SYNJ1: variants seen among roughly 807,000 people sequenced by gnomAD.
SYNJ1 encodes synaptojanin 1, also known as polyphosphatidylinositol phosphatase SYNJ1.
A neutral mutation model predicts 168.2 loss-of-function variants in SYNJ1; 78 were observed. The ratio of observed to expected loss-of-function variants is 0.46; its 90% CI spans 0.39 to 0.56. The LOEUF is 0.56. Among genes scored for constraint, SYNJ1 ranks in the 20% least tolerant of loss-of-function variants. The pLI, the probability that SYNJ1 is intolerant of heterozygous loss-of-function variation, is 0.00. For synonymous variants in SYNJ1, 539 were observed against 548.6 expected, an observed-to-expected ratio of 0.98 and a Z score of 0.24; for missense variants, 1,303 against 1,597.6, an observed-to-expected ratio of 0.82 and a Z score of 3.14.
chr21:32,694,729 G>A (rs1274807850), intron 5 of SYNJ1, among the ~76,000 whole-genome samples: 1 of 152,080 alleles, frequency 6.6e-6, no homozygotes, highest in African/African-American at 2.4e-5. Flanking sequence ...TTGCCATTAA[G>A]AGCTGGGTTT....
chr21:32,635,362 G>A (rs568059226), intron 31 of SYNJ1, among the ~76,000 whole-genome samples: 15 of 152,252 alleles, frequency 9.9e-5, no homozygotes, highest in Admixed American at 3.3e-4. Context: ...ACCAGAGAGC[G>A]TGTGCAAGGG....
chr21:32,714,539 T>G (rs747550344), intron 2 of SYNJ1, among the ~76,000 whole-genome samples: 8 of 152,128 alleles, frequency 5.3e-5, no homozygotes, highest in Non-Finnish European at 1.2e-4. Flanking sequence ...TTGACTAGAC[T>G]TGGTAATAGA....
intron 13 of SYNJ1, among the ~76,000 whole-genome samples, chr21:32,675,952 G>A (rs917542219): frequency 9.9e-5 from 15 of 152,092 alleles, no homozygotes; most frequent in Non-Finnish European, 7.4e-5. Flanking sequence ...ATCACGGATG[G>A]CACTCAGAAA....
chr21:32,700,002 T>G lies in SYNJ1; in HGVS notation c.315A>C (p.Ser105=). 6.2e-7 allele frequency: 1 copy of G among 1,614,186 alleles called. No homozygotes were observed. Among genetic ancestry groups the G allele is most frequent in the Non-Finnish European group, 8.5e-7 (1 of 1,180,036 alleles). ...VFRVTSTEFI[S]LRIDSSDEDR... Reference sequence around the variant, plus strand: ...CCTCATCTGAAGAATCGATTCGCAGTGATATAAACTCAGTGGAAGTAACTC... The same window carrying G: ...CCTCATCTGAAGAATCGATTCGCAGGGATATAAACTCAGTGGAAGTAACTC... Residue 105 remains serine, a synonymous_variant, in exon 4 of 33, where the codon TCA becomes TCC. Coordinates refer to ENST00000674351, the MANE Select transcript of SYNJ1 (RefSeq NM_203446.3).
At chr21:32,677,635 G>A (rs1476018759) in intron 12 of SYNJ1, among the ~76,000 whole-genome samples, 1 of 152,152 alleles carries the variant, frequency 6.6e-6, no homozygotes, top group African/African-American at 2.4e-5. Context: ...CAGGAAGAAA[G>A]CCTGAAGTTG....
At chr21:32,690,559 G>C (rs949932309) in intron 6 of SYNJ1, among the ~76,000 whole-genome samples, 4 of 152,120 alleles carry the variant, frequency 2.6e-5, no homozygotes, top group Non-Finnish European at 5.9e-5. Context: ...ACTCCAGAAA[G>C]TGTTAAGGCT....
chr21:32,693,194 G>A (rs961339364), intron 6 of SYNJ1, among the ~76,000 whole-genome samples: 2 of 152,122 alleles, frequency 1.3e-5, no homozygotes, highest in African/African-American at 4.8e-5. Context: ...CAGGGTTTCA[G>A]CAATGTTCTT....
At chr21:32,727,362 T>C (rs2043508326) in intron 1 of SYNJ1, among the ~76,000 whole-genome samples, 2 of 152,164 alleles carry the variant, frequency 1.3e-5, no homozygotes, top group South Asian at 4.2e-4. Flanking sequence ...ACAAGGCTGG[T>C]TCAAAGCTCC....
Position 32,645,795 on chromosome 21 carries a change from A to G in SYNJ1, c.3248-6T>C, listed in dbSNP as rs567223330. ...CTGCGCGTCAATAGGAGAACCTAAA[A>G]AGCGCACAGGAGGTAAGAAGATCAG... On this transcript the variant is annotated splice_polypyrimidine_tract_variant and splice_region_variant and intron_variant, in intron 24 of 32. Transcript: ENST00000674351. 47 of 1,483,884 alleles carry G rather than the reference A, an allele frequency of 3.2e-5. No individual in the cohort carries two copies. The highest frequency in any genetic ancestry group is 1.8e-4 in the Middle Eastern group (1 of 5,658). 91.9% of individuals were successfully genotyped at this position (1,483,884 alleles called of 1,614,324 possible).
rs1266376628 is a variant in SYNJ1 at position 32,719,753 on chromosome 21, T to C, written c.124+7019A>G. Among the ~76,000 whole-genome samples, 5 of 150,640 alleles carry C rather than the reference T, an allele frequency of 3.3e-5. No homozygotes were observed. The South Asian group carries it at 6.3e-4, about 19-fold the overall frequency. On this transcript the variant is annotated intron_variant, in intron 2 of 32. Coordinates refer to ENST00000674351, the MANE Select transcript of SYNJ1 (RefSeq NM_203446.3). ...AGAAAGAAAAAGAAAAGCTATTTAG[T>C]GCTCAGTGCTCAACAAGCACACACA...
In SYNJ1 at chr21:32,631,138, T is replaced by G; in HGVS notation, c.*667A>C. ...GACGGCAACACACAGAAGGAGACAT[T>G]TGTACCTTTATTCCAGTCATCATTC... On this transcript the variant is annotated 3_prime_UTR_variant, in exon 33 of 33. Coordinates refer to ENST00000674351, the MANE Select transcript of SYNJ1 (RefSeq NM_203446.3). 1.2e-6 allele frequency: 2 copies of G among 1,614,178 alleles called. No individual in the cohort carries two copies. The highest frequency in any genetic ancestry group is 2.2e-5 in the South Asian group (2 of 91,080).
rs141785091 is a variant in SYNJ1, at chr21:32,639,059, G to C, written c.3764C>G (p.Pro1255Arg). 3 of 1,614,074 alleles carry C rather than the reference G, an allele frequency of 1.9e-6. No individual in the cohort carries two copies. The highest frequency in any genetic ancestry group is 1.1e-5 in the South Asian group (1 of 91,062). ...AAFPPQSSLP[P>R]PAQRLQEPLV... ...AGGCTCTTGCAACCTTTGAGCAGGC[G>C]GGGGCAAAGAAGACTGCGGAGGAAA... Residue 1255 changes from proline to arginine, a missense_variant, in exon 31 of 33, where the codon CCG (proline) becomes CGG (arginine). Coordinates refer to ENST00000674351, the MANE Select transcript of SYNJ1 (RefSeq NM_203446.3).
At chr21:32,683,914 G>T in intron 10 of SYNJ1, 124 bp downstream of exon 10, 2 of 770,960 alleles carry the variant, frequency 2.6e-6, no homozygotes, top group Non-Finnish European at 2.1e-6. Context: ...ACAGAGATTA[G>T]AAGTACAAAA....
Position 32,681,850 on chromosome 21 carries a change from C to A in SYNJ1, c.1201-202G>T, listed in dbSNP as rs2041637459. 2.6e-5 allele frequency among the ~76,000 whole-genome samples: 4 copies of A among 151,982 alleles called. No homozygotes were observed. In the South Asian group the frequency reaches 8.3e-4, roughly 31 times the overall value. ...ACAAATACTGTATCAATGGAAACTA[C>A]AAGTATTGATAAGGACTTCTTTCTG... On this transcript the variant is annotated intron_variant, in intron 10 of 32. Transcript: ENST00000674351.
chr21:32,726,907 C>G lies in SYNJ1; in HGVS notation c.-12G>C. 1 of 1,614,010 alleles carries G rather than the reference C, an allele frequency of 6.2e-7. No homozygotes were observed. Among genetic ancestry groups the G allele is most frequent in the South Asian group, 1.1e-5 (1 of 91,072 alleles). ...TTACTGAACGCCATTCTCCTTTCTT[C>G]GGAGGCAGCCCTGCGAAAACCAAGC... On this transcript the variant is annotated 5_prime_UTR_variant, in exon 2 of 33. Transcript: ENST00000674351.
rs539348960 is a variant in SYNJ1, at chr21:32,686,345, A to T, written c.949-428T>A. Among the ~76,000 whole-genome samples, 11 of 152,298 alleles carry T rather than the reference A, an allele frequency of 7.2e-5. No individual in the cohort carries two copies. In the South Asian group the frequency reaches 2.3e-3, roughly 32 times the overall value. The stretch of plus-strand genomic sequence containing the variant: ...ACCAGATTAAAAAAATAGCTATAAA[A>T]TCAGGATGCTTTTGGACTTAGGAGA... On this transcript the variant is annotated intron_variant, in intron 8 of 32. Transcript: ENST00000674351.
intron 4 of SYNJ1, among the ~76,000 whole-genome samples, chr21:32,697,027 A>G (rs979106203): frequency 6.6e-6 from 1 of 152,250 alleles, no homozygotes; most frequent in African/African-American, 2.4e-5. Context: ...CAGCAAAGTT[A>G]TAAGAAACTT....
At position 32,653,470 on chromosome 21, in the gene SYNJ1, G is replaced by A; in HGVS notation, c.2796-104C>T. On this transcript the variant is annotated intron_variant, in intron 21 of 32. Transcript: ENST00000674351. ...CATTAACAAGGGCCACAAGAGGCCA[G>A]GAAGTAAAAAGTAAAGGAGGGAGCG... 3.2e-6 allele frequency: 3 copies of A among 934,420 alleles called. No homozygotes were observed. In the South Asian group the frequency reaches 4.7e-5, roughly 15 times the overall value. 57.9% of individuals were successfully genotyped at this position (934,420 alleles called of 1,614,324 possible).
chr21:32,722,189 GAAAAAA>G (rs869294126), intron 2 of SYNJ1, among the ~76,000 whole-genome samples: 3,887 of 112,512 alleles, frequency 0.035, 73 homozygotes, highest in Non-Finnish European at 0.051. Context: ...CCATCTCAAA[GAAAAAA>G]AAAAAAAAAA....
Sources: gnomAD v4.1 joint callset for allele counts (sites outside exome capture counted in the v4.1 genomes callset) on GRCh38, gnomAD v4.1.1 for gene constraint, MANE v1.5 for transcripts, NCBI Gene and HGNC (gene_info 2026-07-23, HGNC 2026-07-21) for gene names.